Variants in DOK4 observed in about 807,000 individuals in gnomAD.
DOK4 encodes downstream of tyrosine kinase 4.
DOK4 carries 26 observed loss-of-function variants against 40.1 expected under a neutral mutation model. The observed-to-expected ratio is 0.65, with a 90% CI of 0.48 to 0.90. The LOEUF is 0.90. DOK4 is among the 40% of genes least tolerant of loss of function. The pLI is 0.00. For synonymous variants in DOK4, 179 were observed against 177.0 expected (o/e 1.01, Z -0.09); for missense variants, 392 against 437.2 (o/e 0.90, Z 0.92).
At chr16:57,481,008 G>C (rs2031392368) in intron 1 of DOK4, among the ~76,000 whole-genome samples, 1 of 152,200 alleles carries the variant, frequency 6.6e-6, no homozygotes, top group Non-Finnish European at 1.5e-5. Flanking sequence ...CTCGGGGGCA[G>C]GGTTATGCCA....
At chr16:57,477,580 C>T (rs2031236237) in intron 2 of DOK4, among the ~76,000 whole-genome samples, 1 of 152,256 alleles carries the variant, frequency 6.6e-6, no homozygotes, top group Non-Finnish European at 1.5e-5. Flanking sequence ...GGCCTGGGGG[C>T]CTGAGCATGC....
chr16:57,474,757 A>T (rs374166013), intron 6 of DOK4, 36 bp downstream of exon 6: 10 of 1,605,616 alleles, frequency 6.2e-6, no homozygotes, highest in Non-Finnish European at 8.5e-6. Flanking sequence ...CCATCACACC[A>T]TAGTAGGACA....
intron 1 of DOK4, among the ~76,000 whole-genome samples, chr16:57,482,055 G>A (rs1463150754): frequency 1.4e-4 from 21 of 152,150 alleles, no homozygotes; most frequent in African/African-American, 4.8e-4. Context: ...TAGTAGAGAC[G>A]GGGTTTCACC....
chr16:57,476,024 A>C, intron 2 of DOK4, 67 bp from the exon 3 acceptor site: 1 of 1,360,968 alleles, frequency 7.3e-7, no homozygotes, highest in Non-Finnish European at 1.0e-6. Context: ...ATGGCCCTGC[A>C]GCCACCCCTG....
At chr16:57,482,066 G>A (rs112609431) in intron 1 of DOK4, among the ~76,000 whole-genome samples, 2,221 of 152,144 alleles carry the variant, frequency 0.015, 48 homozygotes, top group African/African-American at 0.05. Context: ...GGGTTTCACC[G>A]TGTTAGCCAG....
rs138095270 is a variant in DOK4 at position 57,475,194 on chromosome 16, C to T, written c.315G>A (p.Lys105=). The stretch of plus-strand genomic sequence containing the variant: ...ACCCCAGACACTCCACAGATAGTGT[C>T]TTGTACCACTCCTCTGCCTCTAGCT... The change falls in exon 5 of 9, where the codon AAG becomes AAA. Residue 105 remains lysine (K), a synonymous_variant. Transcript: ENST00000340099. 3,647 of 1,613,926 alleles carry T rather than the reference C, an allele frequency of 2.3e-3. 6 individuals carry two copies. The highest frequency in any genetic ancestry group is 2.7e-3 in the Non-Finnish European group (3,216 of 1,179,904).
rs764628361 is a variant in DOK4 at position 57,473,505 on chromosome 16, C to T, written c.863-10G>A. The T allele has an allele frequency of 4.3e-6, 7 of 1,614,104 alleles. No individual in the cohort carries two copies. The highest frequency in any genetic ancestry group is 5.9e-6 in the Non-Finnish European group (7 of 1,180,046). On this transcript the variant is annotated splice_polypyrimidine_tract_variant and intron_variant, in intron 8 of 8. Transcript: ENST00000340099. The stretch of plus-strand genomic sequence containing the variant: ...GCCCCATACCCCTCACCTGTGGGCA[C>T]AGAAGCAGGCTCAGAACTCAGAGCT...
In DOK4 at chr16:57,473,596, G is replaced by A. The variant is rs1567586852; in HGVS notation, c.862+17C>T. ...AAGCCTCCTGGCAGGTGGGTGTGGG[G>A]CATGGAAGCGACTCACCAGCATAGC... is the stretch of plus-strand genomic sequence containing the variant. On this transcript the variant is annotated intron_variant, in intron 8 of 8. Transcript: ENST00000340099. 1 of 1,614,256 alleles carries A rather than the reference G, an allele frequency of 6.2e-7. No homozygotes were observed. Among genetic ancestry groups the A allele is most frequent in the Non-Finnish European group, 8.5e-7 (1 of 1,180,046 alleles).
Position 57,475,505 on chromosome 16 carries a change from C to T in DOK4, c.289+1G>A. ...GATGGAGGCCCATACTCGCGCCTCA[C>T]CTGAGTCGCAGGTGAAGGTACGTGC... On this transcript the variant is annotated splice_donor_variant, in intron 4 of 8. Transcript: ENST00000340099. LOFTEE classifies it high-confidence loss of function. The T allele has an allele frequency of 1.2e-6, 2 of 1,602,960 alleles. No individual in the cohort carries two copies. The highest frequency in any genetic ancestry group is 1.7e-6 in the Non-Finnish European group (2 of 1,175,394).
chr16:57,479,361 G>A lies in DOK4; in HGVS notation c.66+81C>T, dbSNP rs2031325597. On this transcript the variant is annotated intron_variant, in intron 2 of 8. Transcript: ENST00000340099. This position sits in a 1 kb window ranked among gnomAD's most constrained non-coding sequence, Gnocchi z 5.8. ...GCCGGAGGGCAGCCGCGTGCCCCAC[G>A]CGCCATGCCTCCAAGCCTGGGACCG... 10 of 1,506,578 alleles carry A rather than the reference G, an allele frequency of 6.6e-6. No individual in the cohort carries two copies. Among genetic ancestry groups the A allele is most frequent in the Admixed American group, 1.8e-5 (1 of 56,332 alleles). The allele number at this position is 1,506,578 out of a possible 1,614,324, so 93.3% of individuals were successfully genotyped here.
At chr16:57,481,405 T>A (rs1032684891) in intron 1 of DOK4, 8 of 152,234 alleles carry the variant, frequency 5.3e-5, no homozygotes, top group Admixed American at 3.9e-4. Flanking sequence ...ATTCCTCCTA[T>A]AAGGTCTGGT....
In DOK4 at chr16:57,479,398, C is replaced by T; in HGVS notation, c.66+44G>A. ...CAAGCCTGGGACCGAGTCCTCGGGCCCCCATCCCTTGGCAGGGCCCCTCCG... is the reference window on the plus strand; with the variant it reads ...CAAGCCTGGGACCGAGTCCTCGGGCTCCCATCCCTTGGCAGGGCCCCTCCG... On this transcript the variant is annotated intron_variant, in intron 2 of 8. Transcript: ENST00000340099. The surrounding 1 kb of genome is among the most constrained non-coding windows in gnomAD (Gnocchi z 5.8). The T allele has an allele frequency of 6.2e-7, 1 of 1,607,806 alleles. No homozygotes were observed. Among genetic ancestry groups the T allele is most frequent in the South Asian group, 1.1e-5 (1 of 90,776 alleles).
intron 3 of DOK4, 85 bp downstream of exon 3, chr16:57,475,765 C>CTCCCTCTCTCCCCTCTA: frequency 8.8e-7 from 1 of 1,132,028 alleles, no homozygotes; most frequent in East Asian, 2.9e-5. Flanking sequence ...TCTCCCCTCT[C>CTCCCTCTCTCCCCTCTA]TCCCTCTCTC....
At chr16:57,473,865 T>TG in intron 7 of DOK4, 36 bp downstream of exon 7, 2 of 1,532,520 alleles carry the variant, frequency 1.3e-6, no homozygotes, top group South Asian at 2.3e-5. Context: ...CGTTCCCCCC[T>TG]CCCCCCGTAC....
At chr16:57,473,855 C>G (rs773922238) in intron 7 of DOK4, 46 bp downstream of exon 7, 1 of 1,576,340 alleles carries the variant, frequency 6.3e-7, no homozygotes, top group African/African-American at 1.5e-5. Context: ...CCTGCCCGCC[C>G]GTTCCCCCCT....
exon 9 of DOK4, chr16:57,473,099 G>A (rs2030941667): frequency 2.4e-6 from 1 of 424,942 alleles, no homozygotes; most frequent in Admixed American, 3.9e-5. Flanking sequence ...GGGTGAGGGT[G>A]AGGGGATCTC....
intron 1 of DOK4, chr16:57,481,395 A>T (rs1212848844): frequency 2.6e-5 from 4 of 152,262 alleles, no homozygotes; most frequent in Non-Finnish European, 4.4e-5. Flanking sequence ...GGCAGTCTAC[A>T]TTCCTCCTAT....
At chr16:57,481,276 C>G (rs623685) in intron 1 of DOK4, among the ~76,000 whole-genome samples, 114,169 of 152,164 alleles carry the variant, frequency 0.75, 43,772 homozygotes, top group African/African-American at 0.91. Flanking sequence ...GGGGCAGAGA[C>G]GGTAATGCGC....
chr16:57,475,433 G>T, intron 4 of DOK4, 73 bp downstream of exon 4: 2 of 1,454,874 alleles, frequency 1.4e-6, no homozygotes, highest in Non-Finnish European at 9.4e-7. Context: ...GCCCTGCTCT[G>T]CCCGCTCCTA....
Sources: allele counts gnomAD v4.1 joint callset (sites outside exome capture counted in the v4.1 genomes callset), GRCh38; gene constraint gnomAD v4.1.1; non-coding constraint Gnocchi (gnomAD v3.1); transcripts MANE v1.5; gene names NCBI Gene and HGNC (gene_info 2026-07-23, HGNC 2026-07-21).